The following TRPM3 variants were observed in gnomAD, a reference collection of about 807,000 sequenced individuals.
The protein encoded by TRPM3 is long transient receptor potential channel 3.
Under a neutral mutation model 181.2 loss-of-function variants are expected in TRPM3, and 77 were observed. The observed-to-expected ratio is 0.42, with a 90% CI of 0.35 to 0.51. The LOEUF (loss-of-function observed/expected upper bound fraction) is 0.51, where lower values mean the gene tolerates loss of function less well. Ranked by LOEUF, TRPM3 falls within the 20% of genes least tolerant of loss-of-function variation. The pLI, the probability that TRPM3 is intolerant of heterozygous loss-of-function variation, is 0.01. For synonymous variants in TRPM3, 745 were observed against 796.4 expected, an observed-to-expected ratio of 0.94 and a Z score of 1.09; for missense variants, 1,759 against 2,196.7, an observed-to-expected ratio of 0.80 and a Z score of 3.98.
At position 70,533,983 on chromosome 9, in the gene TRPM3, T is replaced by G. The variant is rs1001496685; in HGVS notation, c.*1970A>C. 1 of 152,246 alleles carries G rather than the reference T, an allele frequency of 6.6e-6. No homozygotes were observed. Among genetic ancestry groups the G allele is most frequent in the Non-Finnish European group, 1.5e-5 (1 of 68,038 alleles). 9.4% of individuals were successfully genotyped at this position (152,246 alleles called of 1,614,324 possible). A position where few individuals can be genotyped will look rare whatever the true frequency, so the allele number is the denominator to read the frequency against. On this transcript the variant is annotated 3_prime_UTR_variant, in exon 26 of 26. Transcript: ENST00000677713. ...AAAACTTGGTGTTTTCAATTATAAT[T>G]AAACAAAAGAACCAGGTAGTATCTC...
intron 1 of TRPM3, among the ~76,000 whole-genome samples, chr9:71,435,271 C>A (rs973234920): frequency 6.6e-6 from 1 of 152,188 alleles, no homozygotes; most frequent in Non-Finnish European, 1.5e-5. Flanking sequence ...ATCTAATAGT[C>A]TTACAAGATA....
At chr9:71,225,518 G>A (rs1023066860) in intron 1 of TRPM3, among the ~76,000 whole-genome samples, 8 of 151,978 alleles carry the variant, frequency 5.3e-5, no homozygotes, top group Non-Finnish European at 1.0e-4. Context: ...ACACTAATGA[G>A]CAATAAGAAA....
intron 1 of TRPM3, among the ~76,000 whole-genome samples, chr9:71,321,882 G>A (rs946741541): frequency 1.3e-5 from 2 of 151,994 alleles, no homozygotes; most frequent in African/African-American, 4.8e-5. Context: ...TCCCCACAAT[G>A]TACTTGAGGA....
chr9:70,631,881 C>A (rs2065921775), intron 12 of TRPM3, among the ~76,000 whole-genome samples: 1 of 152,192 alleles, frequency 6.6e-6, no homozygotes, highest in South Asian at 2.1e-4. Context: ...TGCTGATTGA[C>A]TTATGATGGT....
chr9:70,739,710 AAGTGATTCTCCTGCCTCAGG>A (rs1387445733), intron 8 of TRPM3, among the ~76,000 whole-genome samples: 1 of 152,078 alleles, frequency 6.6e-6, no homozygotes, highest in Non-Finnish European at 1.5e-5. Context: ...TTCCAGGTTC[AAGTGATTCTCCTGCCTCAGG>A]AGGGATTCTC....
chr9:70,828,007 T>C lies in TRPM3; in HGVS notation c.813A>G (p.Pro271=), dbSNP rs1352259687. The C allele has an allele frequency of 6.2e-7, 1 of 1,612,510 alleles. No individual in the cohort carries two copies. The highest frequency in any genetic ancestry group is 8.5e-7 in the Non-Finnish European group (1 of 1,179,062). Residue 271 remains proline (P), a synonymous_variant, in exon 6 of 26, where the codon CCA becomes CCG. Coordinates refer to ENST00000677713, the MANE Select transcript of TRPM3 (RefSeq NM_001366145.2). ...EDLIGRDVVR[P]YQTMSNPMSK... ...TCATGGGATTGGACATGGTCTGGTA[T>C]GGCCGGACAACCTGCAGGGTATCAA...
At chr9:71,157,248 T>C (rs2076053088) in intron 1 of TRPM3, among the ~76,000 whole-genome samples, 1 of 152,154 alleles carries the variant, frequency 6.6e-6, no homozygotes, top group African/African-American at 2.4e-5. Flanking sequence ...AATGTTACAG[T>C]TCTGAAGGCA....
rs1215877874 is a variant in TRPM3 at position 71,114,471 on chromosome 9, T to C, written c.177+6707A>G. Among the ~76,000 whole-genome samples, 6 of 152,348 alleles carry C rather than the reference T, an allele frequency of 3.9e-5. No individual in the cohort carries two copies. In the South Asian group the frequency reaches 8.3e-4, roughly 21 times the overall value. ...TATTTTTTTCATATTAAATATTTAA[T>C]ATTAAGCAGCATTTAAAAAATTTTC... On this transcript the variant is annotated intron_variant, in intron 1 of 25. Transcript: ENST00000677713.
At chr9:70,838,927 T>G (rs1249374129) in intron 5 of TRPM3, among the ~76,000 whole-genome samples, 3 of 152,134 alleles carry the variant, frequency 2.0e-5, no homozygotes, top group African/African-American at 7.2e-5. Context: ...CTCAGATGGG[T>G]AGATCACACA....
At chr9:71,093,883 A>G (rs546546146) in intron 1 of TRPM3, among the ~76,000 whole-genome samples, 129 of 152,270 alleles carry the variant, frequency 8.5e-4, no homozygotes, top group African/African-American at 3.1e-3. Flanking sequence ...TGGCACATAT[A>G]CACCATGGGA....
At chr9:71,282,131 A>AAGAAAGAAT (rs1249688710) in intron 1 of TRPM3, among the ~76,000 whole-genome samples, 2,680 of 139,390 alleles carry the variant, frequency 0.019, 34 homozygotes, top group East Asian at 0.03. Context: ...AAAGAACGAA[A>AAGAAAGAAT]GAAAGAAAGA....
chr9:71,311,412 AAAAT>A (rs1291240191), intron 1 of TRPM3, among the ~76,000 whole-genome samples: 1 of 152,162 alleles, frequency 6.6e-6, no homozygotes, highest in African/African-American at 2.4e-5. Flanking sequence ...ACAAAATAGA[AAAAT>A]AAATTAATGG....
chr9:70,979,267 G>T (rs1032732129), intron 1 of TRPM3, among the ~76,000 whole-genome samples: 15 of 152,250 alleles, frequency 9.9e-5, no homozygotes, highest in African/African-American at 2.2e-4. Context: ...GGGGCGCGGA[G>T]ATTTCATTCA....
chr9:70,540,774 G>A (rs1051770928), intron 25 of TRPM3, among the ~76,000 whole-genome samples: 22 of 152,108 alleles, frequency 1.4e-4, no homozygotes, highest in Admixed American at 6.5e-4. Flanking sequence ...CCAGGCTGGC[G>A]TGCAGTGGCA....
At chr9:71,427,486 C>A (rs773280683) in intron 1 of TRPM3, among the ~76,000 whole-genome samples, 1 of 151,958 alleles carries the variant, frequency 6.6e-6, no homozygotes, top group African/African-American at 2.4e-5. Context: ...GTTATCCTCA[C>A]TAGCAAAGAC....
At chr9:71,257,538 G>A (rs750832797) in intron 1 of TRPM3, among the ~76,000 whole-genome samples, 1 of 152,164 alleles carries the variant, frequency 6.6e-6, no homozygotes, top group Non-Finnish European at 1.5e-5. Flanking sequence ...CATTATATAT[G>A]AGATATTTTT....
At chr9:70,652,647 T>G (rs2059737295) in intron 9 of TRPM3, among the ~76,000 whole-genome samples, 1 of 152,216 alleles carries the variant, frequency 6.6e-6, no homozygotes, top group Non-Finnish European at 1.5e-5. Context: ...TATTCCCACT[T>G]TGCTAATTGG....
At position 71,176,406 on chromosome 9, in the gene TRPM3, T is replaced by C. The variant is rs141122755; in HGVS notation, c.183+270247A>G. On this transcript the variant is annotated intron_variant, in intron 1 of 24. Transcript: ENST00000357533. Reference sequence around the variant, plus strand: ...AGAAGTAAAATAACATACTTTTTAATTGAAAAGGCCTAAGAATAAGGATAT... The same window carrying C: ...AGAAGTAAAATAACATACTTTTTAACTGAAAAGGCCTAAGAATAAGGATAT... 1.5e-3 allele frequency among the ~76,000 whole-genome samples: 224 copies of C among 152,210 alleles called. 1 individual carries two copies. The highest frequency in any genetic ancestry group is 5.2e-3 in the African/African-American group (215 of 41,548).
At chr9:71,382,213 T>C (rs1419433399) in intron 1 of TRPM3, among the ~76,000 whole-genome samples, 1 of 152,134 alleles carries the variant, frequency 6.6e-6, no homozygotes, top group Non-Finnish European at 1.5e-5. Context: ...AAATTTTAAT[T>C]AAACTTTTAA....
Sources: gnomAD v4.1 joint callset for allele counts (sites outside exome capture counted in the v4.1 genomes callset) on GRCh38, gnomAD v4.1.1 for gene constraint, MANE v1.5 for transcripts, NCBI Gene and HGNC (gene_info 2026-07-23, HGNC 2026-07-21) for gene names.